The following SV2B variants were observed in gnomAD, a reference collection of about 807,000 sequenced individuals.
SV2B encodes the protein synaptic vesicle glycoprotein 2B, also known as solute carrier family 22 member B2.
A neutral mutation model predicts 73.9 loss-of-function variants in SV2B; 41 were observed. The ratio of observed to expected loss-of-function variants is 0.56; its 90% confidence interval spans 0.43 to 0.72. The LOEUF is 0.72. SV2B is among the 30% of genes least tolerant of loss of function. SV2B has a pLI of 0.00. For synonymous variants in SV2B, 314 were observed against 314.2 expected (o/e 1.00, Z 0.01); for missense variants, 764 against 857.8 (o/e 0.89, Z 1.37).
chr15:91,276,532 T>C (rs2048494373), intron 9 of SV2B, among the ~76,000 whole-genome samples: 1 of 152,032 alleles, frequency 6.6e-6, no homozygotes, highest in Non-Finnish European at 1.5e-5. Context: ...TCAATTTTGG[T>C]AATATTTTTT....
In SV2B at chr15:91,118,979, C is replaced by T. The variant is rs1171908445; in HGVS notation, c.-392+18616C>T. 6.6e-6 allele frequency among the ~76,000 whole-genome samples: 1 copy of T among 152,142 alleles called. No homozygotes were observed. The highest frequency in any genetic ancestry group is 1.5e-5 in the Non-Finnish European group (1 of 68,030). The stretch of plus-strand genomic sequence containing the variant: ...GGGCCTGTGGGGGTGGGCGTGCTGG[C>T]TGATCCGCTTGGGGCTCCCGGCTTT... On this transcript the variant is annotated intron_variant, in intron 1 of 12. Coordinates refer to ENST00000394232, the MANE Select transcript of SV2B (RefSeq NM_001323032.3). This position sits in a 1 kb window ranked among gnomAD's most constrained non-coding sequence, Gnocchi z 4.7.
intron 9 of SV2B, among the ~76,000 whole-genome samples, chr15:91,271,911 G>A (rs982173238): frequency 6.6e-6 from 1 of 152,114 alleles, no homozygotes; most frequent in Non-Finnish European, 1.5e-5. Context: ...ATACTTGGCT[G>A]ATTTAAGGTT....
chr15:91,135,754 T>C (rs1270740227), intron 1 of SV2B, among the ~76,000 whole-genome samples: 1 of 152,232 alleles, frequency 6.6e-6, no homozygotes. Context: ...ATTTCACATC[T>C]CTGCTTTGTG....
chr15:91,156,004 A>G (rs2043478528), intron 1 of SV2B, among the ~76,000 whole-genome samples: 1 of 152,100 alleles, frequency 6.6e-6, no homozygotes, highest in African/African-American at 2.4e-5. Flanking sequence ...ATGAGCTGAT[A>G]TAGAAATAAA....
At position 91,260,310 on chromosome 15, in the gene SV2B, G is replaced by C. The variant is rs1255814310; in HGVS notation, c.919-10G>C. The C allele has an allele frequency of 6.2e-7, 1 of 1,601,794 alleles. No homozygotes were observed. Among genetic ancestry groups the C allele is most frequent in the Admixed American group, 1.8e-5 (1 of 56,420 alleles). ...TGAATTTTTCCTGTGTCTTTCCTTGGTTTCACCAGATGGGCAAACATGATG... is the reference window on the plus strand; with the variant it reads ...TGAATTTTTCCTGTGTCTTTCCTTGCTTTCACCAGATGGGCAAACATGATG... On this transcript the variant is annotated splice_polypyrimidine_tract_variant and intron_variant, in intron 5 of 12. Transcript: ENST00000394232.
chr15:91,135,828 A>G (rs1415466195), intron 1 of SV2B, among the ~76,000 whole-genome samples: 3 of 152,094 alleles, frequency 2.0e-5, no homozygotes, highest in Admixed American at 2.0e-4. Flanking sequence ...ATTTTTTCAA[A>G]TTTCACATGG....
At chr15:91,230,253 A>G (rs1358764154) in intron 2 of SV2B, among the ~76,000 whole-genome samples, 1 of 151,614 alleles carries the variant, frequency 6.6e-6, no homozygotes, top group Non-Finnish European at 1.5e-5. Context: ...TTAAAAAAAA[A>G]AAAAAAAAGA....
At chr15:91,208,819 T>C (rs1479062618) in intron 1 of SV2B, among the ~76,000 whole-genome samples, 6 of 152,226 alleles carry the variant, frequency 3.9e-5, no homozygotes. Context: ...CTCCTTCTTC[T>C]GCTCCATTCA....
intron 6 of SV2B, among the ~76,000 whole-genome samples, chr15:91,264,562 T>C (rs1485524147): frequency 6.6e-6 from 1 of 152,180 alleles, no homozygotes; most frequent in Non-Finnish European, 1.5e-5. Flanking sequence ...GCTTGTTTCA[T>C]TTTCTTTAAA....
At chr15:91,203,136 A>G (rs1218122920) in intron 1 of SV2B, among the ~76,000 whole-genome samples, 1 of 152,168 alleles carries the variant, frequency 6.6e-6, no homozygotes, top group Admixed American at 6.5e-5. Flanking sequence ...ATACAGAACA[A>G]ATGCCATCCT....
intron 1 of SV2B, among the ~76,000 whole-genome samples, chr15:91,207,719 C>T (rs1428594544): frequency 6.6e-6 from 1 of 152,138 alleles, no homozygotes; most frequent in African/African-American, 2.4e-5. Flanking sequence ...AATCATGACC[C>T]AGAGAAACAA....
rs2042608443 is a variant in SV2B at position 91,130,496 on chromosome 15, A to T, written c.-392+30133A>T. Among the ~76,000 whole-genome samples, 1 of 152,120 alleles carries T rather than the reference A, an allele frequency of 6.6e-6. No homozygotes were observed. The highest frequency in any genetic ancestry group is 2.4e-5 in the African/African-American group (1 of 41,426). ...TGAAAATGGAAGTGGAGGGTAAGGAACAGGGAATGAGAGAGAGAGAGAGAA... is the reference window on the plus strand; with the variant it reads ...TGAAAATGGAAGTGGAGGGTAAGGATCAGGGAATGAGAGAGAGAGAGAGAA... On this transcript the variant is annotated intron_variant, in intron 1 of 12. Transcript: ENST00000394232. This position sits in a 1 kb window ranked among gnomAD's most constrained non-coding sequence, Gnocchi z 5.6.
intron 2 of SV2B, among the ~76,000 whole-genome samples, chr15:91,237,897 G>A (rs1454440213): frequency 2.6e-5 from 4 of 152,120 alleles, no homozygotes; most frequent in Non-Finnish European, 5.9e-5. Context: ...TTTCCTAATC[G>A]CTCTTATTTG....
chr15:91,200,818 G>A (rs1315680971), intron 1 of SV2B, among the ~76,000 whole-genome samples: 1 of 152,114 alleles, frequency 6.6e-6, no homozygotes, highest in South Asian at 2.1e-4. Context: ...GCCTGAGGTG[G>A]GAGGAAGGCT....
At chr15:91,230,229 A>G (rs2046524319) in intron 2 of SV2B, among the ~76,000 whole-genome samples, 1 of 150,702 alleles carries the variant, frequency 6.6e-6, no homozygotes, top group African/African-American at 2.4e-5. Flanking sequence ...TGAAAGAGTG[A>G]CACCTTGTCT....
At position 91,290,385 on chromosome 15, in the gene SV2B, G is replaced by A. The variant is rs1016026223; in HGVS notation, c.1868+705G>A. On this transcript the variant is annotated intron_variant, in intron 12 of 12. Transcript: ENST00000394232. The surrounding 1 kb of genome is among the most constrained non-coding windows in gnomAD (Gnocchi z 4.7). ...ATAGATAACTAAGGAAGAGCACAAC[G>A]TGTCATATTTGGAGCCCCTCTCATT... Among the ~76,000 whole-genome samples, 2 of 152,210 alleles carry A rather than the reference G, an allele frequency of 1.3e-5. No homozygotes were observed. The highest frequency in any genetic ancestry group is 2.1e-4 in the South Asian group (1 of 4,832).
rs1359626539 is a variant in SV2B, at chr15:91,223,548, G to T, written c.-391-2325G>T. Among the ~76,000 whole-genome samples, 1 of 152,146 alleles carries T rather than the reference G, an allele frequency of 6.6e-6. No homozygotes were observed. Among genetic ancestry groups the T allele is most frequent in the East Asian group, 1.9e-4 (1 of 5,192 alleles). The stretch of plus-strand genomic sequence containing the variant: ...TTGGAATTGCAAGTCTATCATTTCT[G>T]GTTCACGACGTTGTTATAGGGCCCC... On this transcript the variant is annotated intron_variant, in intron 1 of 12. Transcript: ENST00000394232. This position sits in a 1 kb window ranked among gnomAD's most constrained non-coding sequence, Gnocchi z 4.6.
rs962137459 is a variant in SV2B at position 91,123,692 on chromosome 15, T to C, written c.-392+23329T>C. On this transcript the variant is annotated intron_variant, in intron 1 of 12. Transcript: ENST00000394232. This position sits in a 1 kb window ranked among gnomAD's most constrained non-coding sequence, Gnocchi z 4.7. ...TCTAGCACTTTCTGAAGAGTAGACG[T>C]GAGGAGCGGTAGAGTTGTGATGCAG... 4.6e-5 allele frequency among the ~76,000 whole-genome samples: 7 copies of C among 152,194 alleles called. No homozygotes were observed. Among genetic ancestry groups the C allele is most frequent in the African/African-American group, 1.4e-4 (6 of 41,454 alleles).
At chr15:91,263,521 G>T (rs1041739262) in intron 6 of SV2B, among the ~76,000 whole-genome samples, 1 of 148,814 alleles carries the variant, frequency 6.7e-6, no homozygotes, top group Non-Finnish European at 1.5e-5. Context: ...TGTAGATGCA[G>T]AGACACACAG....
Sources: gnomAD v4.1 joint callset for allele counts (sites outside exome capture counted in the v4.1 genomes callset) on GRCh38, gnomAD v4.1.1 for gene constraint, Gnocchi (gnomAD v3.1) non-coding constraint, MANE v1.5 for transcripts, NCBI Gene and HGNC (gene_info 2026-07-23, HGNC 2026-07-21) for gene names.